The following PLB1 variants were observed in gnomAD, a reference collection of about 807,000 sequenced individuals.
PLB1 encodes phospholipase B1.
In PLB1, 242 loss-of-function variants were observed where a neutral mutation model predicts 227.4. That is an observed-to-expected ratio of 1.06 (90% confidence interval 0.96 to 1.18). PLB1 has a LOEUF of 1.18. PLB1 is among the 50% of genes most tolerant of loss of function. The pLI, the probability that PLB1 is intolerant of heterozygous loss-of-function variation, is 0.00. For missense variants in PLB1, 1,858 were observed against 1,816.3 expected, an observed-to-expected ratio of 1.02 and a Z score of -0.42; for synonymous variants, 757 against 682.2, an observed-to-expected ratio of 1.11 and a Z score of -1.71.
chr2:28,620,547 A>C, intron 47 of PLB1, 53 bp from the exon 48 acceptor site: 1 of 1,567,822 alleles, frequency 6.4e-7, no homozygotes, highest in East Asian at 2.3e-5. Flanking sequence ...ATATGTTGAC[A>C]CAGGGAGCAG....
chr2:28,588,492 C>T lies in PLB1; in HGVS notation c.1816-958C>T, dbSNP rs571890285. On this transcript the variant is annotated intron_variant, in intron 26 of 57. Transcript: ENST00000327757. ...CCTGGGAATTGACCCTGGGAAAAGA[C>T]AGTGTGTGGTGTCTTCTGAAGTGAC... 3.9e-5 allele frequency among the ~76,000 whole-genome samples: 6 copies of T among 152,296 alleles called. No homozygotes were observed. In the East Asian group the frequency reaches 1.2e-3, roughly 29 times the overall value.
chr2:28,636,014 T>A (rs796217935), intron 56 of PLB1, among the ~76,000 whole-genome samples: 6 of 134,188 alleles, frequency 4.5e-5, no homozygotes, highest in Non-Finnish European at 1.0e-4. Context: ...TGTATGTATG[T>A]ATGAATGTGT....
At position 28,628,617 on chromosome 2, in the gene PLB1, C is replaced by G; in HGVS notation, c.3715C>G (p.Leu1239Val). 1.9e-6 allele frequency: 3 copies of G among 1,614,168 alleles called. No homozygotes were observed. The highest frequency in any genetic ancestry group is 2.5e-6 in the Non-Finnish European group (3 of 1,180,020). ...GCACATCCAACAGGCCCTGGACATC[C>G]TCTCTGAGGAGGTAGGAGAGGGGTT... ...VQHIQQALDI[L>V]SEELPRAFVN... The change falls in exon 52 of 58, where the codon CTC (leucine) becomes GTC (valine). Residue 1239 changes from leucine (L) to valine (V), a missense_variant. Coordinates refer to ENST00000327757, the MANE Select transcript of PLB1 (RefSeq NM_153021.5).
intron 43 of PLB1, among the ~76,000 whole-genome samples, chr2:28,608,280 C>T (rs1474821834): frequency 2.0e-5 from 3 of 152,244 alleles, no homozygotes; most frequent in Admixed American, 6.5e-5. Flanking sequence ...TCCTCAGTCC[C>T]ATCTGCTCCC....
intron 54 of PLB1, among the ~76,000 whole-genome samples, chr2:28,630,977 C>A (rs1421766031): frequency 6.6e-6 from 1 of 151,970 alleles, no homozygotes; most frequent in Non-Finnish European, 1.5e-5. Flanking sequence ...CTCACTTCCT[C>A]CCCTCCCTTC....
intron 20 of PLB1, among the ~76,000 whole-genome samples, chr2:28,572,150 C>T (rs1383579965): frequency 6.6e-6 from 1 of 152,180 alleles, no homozygotes; most frequent in Non-Finnish European, 1.5e-5. Flanking sequence ...CTAGTAAGCA[C>T]TTGAAAATAT....
chr2:28,516,751 A>G (rs1668894352), intron 1 of PLB1, 57 bp from the exon 2 acceptor site: 1 of 1,515,096 alleles, frequency 6.6e-7, no homozygotes, highest in Non-Finnish European at 9.2e-7. Flanking sequence ...AAAGCTACAA[A>G]TTTGGGTGGG....
Position 28,630,674 on chromosome 2 carries a change from G to C in PLB1, c.3897+10G>C. ...GAACTGGAACCTCCAGGTAAGCCCT[G>C]CAGCCCTTCTCTTACTGACCCAGCT... is the stretch of plus-strand genomic sequence containing the variant. On this transcript the variant is annotated intron_variant, in intron 54 of 57. Coordinates refer to ENST00000327757, the MANE Select transcript of PLB1 (RefSeq NM_153021.5). The C allele has an allele frequency of 6.2e-7, 1 of 1,606,496 alleles. No homozygotes were observed. The highest frequency in any genetic ancestry group is 8.5e-7 in the Non-Finnish European group (1 of 1,176,240).
rs146486654 is a variant in PLB1, at chr2:28,539,009, C to A, written c.619-90C>A. 1.8e-3 allele frequency: 1,868 copies of A among 1,040,764 alleles called. 24 individuals are homozygous for A. In the African/African-American group the frequency reaches 0.025, roughly 14 times the overall value. 64.5% of individuals were successfully genotyped at this position (1,040,764 alleles called of 1,614,324 possible). ...GGGAGGCCCATCACACTCAACCACA[C>A]CCCAACGGGGCCCAAGCAGGAGTTC... On this transcript the variant is annotated intron_variant, in intron 10 of 57. Coordinates refer to ENST00000327757, the MANE Select transcript of PLB1 (RefSeq NM_153021.5).
chr2:28,618,037 G>A (rs1686443416), intron 45 of PLB1, among the ~76,000 whole-genome samples: 2 of 152,270 alleles, frequency 1.3e-5, no homozygotes, highest in East Asian at 3.9e-4. Flanking sequence ...TGCCCAGTGA[G>A]GCAGGTAGAG....
At chr2:28,555,152 T>TTC (rs1486973184) in intron 17 of PLB1, among the ~76,000 whole-genome samples, 3 of 150,350 alleles carry the variant, frequency 2.0e-5, no homozygotes, top group African/African-American at 7.4e-5. Flanking sequence ...TTTTTTTTTT[T>TTC]TTTTTTTGAG....
chr2:28,633,845 A>G (rs1373933944), intron 56 of PLB1, among the ~76,000 whole-genome samples: 2 of 152,244 alleles, frequency 1.3e-5, no homozygotes, highest in African/African-American at 4.8e-5. Flanking sequence ...TGGGTAACAC[A>G]ATCCCCACCC....
intron 1 of PLB1, among the ~76,000 whole-genome samples, chr2:28,506,728 A>G (rs1421424737): frequency 6.6e-6 from 1 of 152,148 alleles, no homozygotes; most frequent in Non-Finnish European, 1.5e-5. Flanking sequence ...TTTGGGCAAG[A>G]TGAGTCCTCC....
At chr2:28,615,107 C>A (rs746420196) in intron 44 of PLB1, among the ~76,000 whole-genome samples, 1 of 152,120 alleles carries the variant, frequency 6.6e-6, no homozygotes, top group South Asian at 2.1e-4. Flanking sequence ...TGAGGAGACA[C>A]TTGCTATACA....
Position 28,602,080 on chromosome 2 carries a change from G to A in PLB1, c.2673+116G>A. ...CTCTCAAGGAGACAGCCAGGGGCAT[G>A]GACTCCTTCCCTTTTCAGAGGTTGG... On this transcript the variant is annotated intron_variant, in intron 38 of 57. Transcript: ENST00000327757. The A allele has an allele frequency of 4.0e-6, 4 of 992,404 alleles. No individual in the cohort carries two copies. In the Middle Eastern group the frequency reaches 7.1e-4, roughly 177 times the overall value. 61.5% of individuals were successfully genotyped at this position (992,404 alleles called of 1,614,324 possible).
chr2:28,598,584 C>A, intron 34 of PLB1, 68 bp from the exon 35 acceptor site: 2 of 1,274,802 alleles, frequency 1.6e-6, no homozygotes, highest in Non-Finnish European at 2.3e-6. Context: ...CTAGGTCCCA[C>A]AGTACCAGAG....
At chr2:28,553,825 A>G (rs1674606387) in intron 17 of PLB1, among the ~76,000 whole-genome samples, 1 of 152,200 alleles carries the variant, frequency 6.6e-6, no homozygotes, top group Admixed American at 6.5e-5. Context: ...TCATGGCCTC[A>G]GGATTATAAA....
At chr2:28,536,222 A>T (rs907328602) in intron 9 of PLB1, among the ~76,000 whole-genome samples, 3 of 152,194 alleles carry the variant, frequency 2.0e-5, no homozygotes, top group African/African-American at 7.2e-5. Context: ...GTTTCTTATG[A>T]CCAAAGTCAG....
chr2:28,622,140 C>G (rs1024548138), intron 49 of PLB1, among the ~76,000 whole-genome samples: 2 of 152,188 alleles, frequency 1.3e-5, no homozygotes, highest in African/African-American at 4.8e-5. Flanking sequence ...GATAATTGCT[C>G]TATAACTTTC....
Sources: gnomAD v4.1 joint callset for allele counts (sites outside exome capture counted in the v4.1 genomes callset) on GRCh38, gnomAD v4.1.1 for gene constraint, MANE v1.5 for transcripts, NCBI Gene and HGNC (gene_info 2026-07-23, HGNC 2026-07-21) for gene names.